The following GRIK2 variants were observed in gnomAD, a reference collection of about 807,000 sequenced individuals.
The protein encoded by GRIK2 is glutamate receptor ionotropic, kainate 2.
Under a neutral mutation model 100.3 loss-of-function variants are expected in GRIK2, and 32 were observed. The observed-to-expected ratio is 0.32, with a 90% CI of 0.24 to 0.43. The LOEUF is 0.43. Among genes scored for constraint, GRIK2 ranks in the 20% least tolerant of loss-of-function variants. The pLI is 1.00. For synonymous variants in GRIK2, 417 were observed against 389.4 expected (o/e 1.07, Z -0.83); for missense variants, 843 against 1,114.9 (o/e 0.76, Z 3.47).
intron 10 of GRIK2, among the ~76,000 whole-genome samples, chr6:101,828,601 T>C (rs1398361246): frequency 5.9e-5 from 9 of 151,854 alleles, no homozygotes; most frequent in Non-Finnish European, 1.5e-5. Flanking sequence ...TTACAACTGA[T>C]TCCACAGAAA....
At chr6:101,842,182 C>T (rs1582358541) in intron 10 of GRIK2, among the ~76,000 whole-genome samples, 1 of 152,012 alleles carries the variant, frequency 6.6e-6, no homozygotes, top group African/African-American at 2.4e-5. Context: ...GTTGCTATTT[C>T]CCCCCGGACT....
chr6:101,511,973 T>C (rs1774341632), intron 2 of GRIK2, among the ~76,000 whole-genome samples: 1 of 151,872 alleles, frequency 6.6e-6, no homozygotes, highest in South Asian at 2.1e-4. Context: ...ATCTAAAAAG[T>C]TGGTCTCCAG....
intron 16 of GRIK2, among the ~76,000 whole-genome samples, chr6:102,055,886 C>T (rs1278323163): frequency 2.0e-5 from 3 of 151,548 alleles, no homozygotes; most frequent in Non-Finnish European, 2.9e-5. Context: ...TGAATTTCAT[C>T]GTGGTATATG....
At chr6:101,972,336 C>T (rs1051667613) in intron 14 of GRIK2, among the ~76,000 whole-genome samples, 53 of 152,128 alleles carry the variant, frequency 3.5e-4, no homozygotes, top group African/African-American at 1.2e-3. Flanking sequence ...TTTTGATTTA[C>T]ATTTCTCTGA....
chr6:101,649,886 T>C (rs1781706203), intron 4 of GRIK2, among the ~76,000 whole-genome samples: 1 of 152,032 alleles, frequency 6.6e-6, no homozygotes, highest in Admixed American at 6.6e-5. Context: ...TGGAGTTTGG[T>C]ACCAAGTCTG....
At chr6:101,976,901 G>GGGAATAGT (rs925480426) in intron 14 of GRIK2, among the ~76,000 whole-genome samples, 13 of 151,882 alleles carry the variant, frequency 8.6e-5, no homozygotes, top group Non-Finnish European at 1.9e-4. Context: ...TGAAGAGTGG[G>GGGAATAGT]GGAATAGTGG....
chr6:101,650,770 T>A (rs1781747402), intron 4 of GRIK2, among the ~76,000 whole-genome samples: 1 of 152,136 alleles, frequency 6.6e-6, no homozygotes, highest in Non-Finnish European at 1.5e-5. Context: ...CTCCCCTTTA[T>A]TTTGCAGTTA....
chr6:101,999,446 T>A (rs1197199614), intron 14 of GRIK2, among the ~76,000 whole-genome samples: 1 of 152,132 alleles, frequency 6.6e-6, no homozygotes, highest in Non-Finnish European at 1.5e-5. Context: ...CTTACACAAA[T>A]TTTCCAGCTA....
At chr6:102,008,523 A>G (rs1394063852) in intron 14 of GRIK2, among the ~76,000 whole-genome samples, 1 of 152,136 alleles carries the variant, frequency 6.6e-6, no homozygotes, top group Non-Finnish European at 1.5e-5. Flanking sequence ...ACAATTAACA[A>G]AGAAGACTCG....
At chr6:101,515,697 G>A (rs1311088629) in intron 2 of GRIK2, among the ~76,000 whole-genome samples, 1 of 151,966 alleles carries the variant, frequency 6.6e-6, no homozygotes, top group African/African-American at 2.4e-5. Context: ...TATGTTTGTT[G>A]GCCATTTGTA....
At chr6:102,038,949 T>G (rs1381935186) in intron 15 of GRIK2, among the ~76,000 whole-genome samples, 1 of 151,444 alleles carries the variant, frequency 6.6e-6, no homozygotes, top group Non-Finnish European at 1.5e-5. Flanking sequence ...CAAGAAAGCC[T>G]ATGTGGTTTG....
intron 4 of GRIK2, among the ~76,000 whole-genome samples, chr6:101,650,253 T>C (rs1345939338): frequency 6.6e-6 from 1 of 152,130 alleles, no homozygotes; most frequent in East Asian, 1.9e-4. Flanking sequence ...GATATCCATC[T>C]AAATGACCAG....
intron 14 of GRIK2, among the ~76,000 whole-genome samples, chr6:101,937,161 A>T (rs919031852): frequency 1.3e-5 from 2 of 152,126 alleles, no homozygotes; most frequent in African/African-American, 4.8e-5. Context: ...ACTGAAGTGT[A>T]AAATCTGAGA....
At chr6:101,636,892 T>C (rs978208516) in intron 4 of GRIK2, among the ~76,000 whole-genome samples, 1 of 152,164 alleles carries the variant, frequency 6.6e-6, no homozygotes, top group Non-Finnish European at 1.5e-5. Flanking sequence ...CCCTACAGCC[T>C]TTCCTTGTTC....
rs535631138 is a variant in GRIK2 at position 102,045,528 on chromosome 6, C to A, written c.2312-9802C>A. On this transcript the variant is annotated intron_variant, in intron 15 of 16. Transcript: ENST00000369134. Reference sequence around the variant, plus strand: ...TATCAGGACCATGGAAGAATTTAGCCAACTATAAATGACACTGTTCATGTA... The same window carrying A: ...TATCAGGACCATGGAAGAATTTAGCAAACTATAAATGACACTGTTCATGTA... Among the ~76,000 whole-genome samples, 209 of 151,874 alleles carry A rather than the reference C, an allele frequency of 1.4e-3. 2 individuals carry two copies. The highest frequency in any genetic ancestry group is 4.6e-3 in the African/African-American group (192 of 41,438).
intron 2 of GRIK2, among the ~76,000 whole-genome samples, chr6:101,595,696 ATATGTGTG>A (rs1432369385): frequency 1.1e-5 from 1 of 92,158 alleles, no homozygotes; most frequent in African/African-American, 4.5e-5. Flanking sequence ...ATGTATATAT[ATATGTGTG>A]TGTGTGTGTG....
intron 4 of GRIK2, among the ~76,000 whole-genome samples, chr6:101,668,971 C>T (rs1770231340): frequency 6.6e-6 from 1 of 151,838 alleles, no homozygotes; most frequent in African/African-American, 2.4e-5. Flanking sequence ...ATTTCAGCTA[C>T]TACTGAAATA....
intron 2 of GRIK2, among the ~76,000 whole-genome samples, chr6:101,480,969 A>G (rs1055560221): frequency 1.3e-5 from 2 of 152,170 alleles, no homozygotes; most frequent in Non-Finnish European, 2.9e-5. Flanking sequence ...GTGTTGACAA[A>G]TGAGAGTGAT....
intron 7 of GRIK2, among the ~76,000 whole-genome samples, chr6:101,695,865 A>G (rs998244607): frequency 1.3e-5 from 2 of 152,112 alleles, no homozygotes; most frequent in African/African-American, 4.8e-5. Context: ...ATTTTAAAAC[A>G]AATTGTTGAA....
Sources: allele counts gnomAD v4.1 joint callset (sites outside exome capture counted in the v4.1 genomes callset), GRCh38; gene constraint gnomAD v4.1.1; transcripts MANE v1.5; gene names NCBI Gene and HGNC (gene_info 2026-07-23, HGNC 2026-07-21).